MAST4: variants seen among roughly 807,000 people sequenced by gnomAD.
MAST4 encodes the protein microtubule-associated serine/threonine-protein kinase 4.
In MAST4, 89 loss-of-function variants were observed where a neutral mutation model predicts 162.7. That is an observed-to-expected ratio of 0.55 (90% confidence interval 0.46 to 0.65). The LOEUF (loss-of-function observed/expected upper bound fraction) is 0.65, where lower values mean the gene tolerates loss of function less well. Among genes scored for constraint, MAST4 ranks in the 30% least tolerant of loss-of-function variants. The pLI is 0.00. For synonymous variants in MAST4, 1,479 were observed against 1,361.1 expected, an observed-to-expected ratio of 1.09 and a Z score of -1.91; for missense variants, 3,153 against 3,374.0, an observed-to-expected ratio of 0.93 and a Z score of 1.62.
chr5:66,964,286 C>G (rs1212839481), intron 4 of MAST4, among the ~76,000 whole-genome samples: 3 of 152,166 alleles, frequency 2.0e-5, no homozygotes, highest in Non-Finnish European at 4.4e-5. Flanking sequence ...TATATTCACT[C>G]TTCTCTGTTT....
At position 66,777,618 on chromosome 5, in the gene MAST4, G is replaced by T. The variant is rs149489391; in HGVS notation, c.518-11052G>T. Among the ~76,000 whole-genome samples, 368 of 152,266 alleles carry T rather than the reference G, an allele frequency of 2.4e-3. 1 individual carries two copies. The highest frequency in any genetic ancestry group is 7.9e-3 in the African/African-American group (329 of 41,532). On this transcript the variant is annotated intron_variant, in intron 2 of 28. Transcript: ENST00000403625. ...TTAAGGGTCTTTCAAGGATCTGGAGGGGGCAGTGAACACATTTAGATGGAG... is the reference window on the plus strand; with the variant it reads ...TTAAGGGTCTTTCAAGGATCTGGAGTGGGCAGTGAACACATTTAGATGGAG...
At chr5:66,812,303 C>T (rs1452868012) in intron 3 of MAST4, among the ~76,000 whole-genome samples, 1 of 152,084 alleles carries the variant, frequency 6.6e-6, no homozygotes, top group Non-Finnish European at 1.5e-5. Context: ...TGAAAATGGC[C>T]TTAGATAGTT....
intron 4 of MAST4, among the ~76,000 whole-genome samples, chr5:66,958,524 A>G (rs1293441375): frequency 2.6e-5 from 4 of 152,230 alleles, no homozygotes; most frequent in South Asian, 2.1e-4. Flanking sequence ...ATAAAAATCC[A>G]AGTGCCTATC....
At chr5:66,738,380 A>G (rs1184941234) in intron 1 of MAST4, 1 of 152,340 alleles carries the variant, frequency 6.6e-6, no homozygotes, top group Non-Finnish European at 1.5e-5. Flanking sequence ...AACTGCAAGG[A>G]GCTAGAGAGC....
chr5:66,926,558 T>TA lies in MAST4; in HGVS notation c.674+26576_674+26577insA, dbSNP rs1561451910. On this transcript the variant is annotated intron_variant, in intron 4 of 28. Transcript: ENST00000403625. ...CAAGACTCCATATCTCTTTCTCTCT[T>TA]TCTCTCTCTATATATATACACACAC... Among the ~76,000 whole-genome samples, 715 of 108,878 alleles carry TA rather than the reference T, an allele frequency of 6.6e-3. 3 individuals carry two copies. Among genetic ancestry groups the TA allele is most frequent in the Middle Eastern group, 0.03 (6 of 202 alleles). 71.4% of individuals were successfully genotyped at this position (108,878 alleles called of 152,430 possible).
chr5:66,787,264 T>C (rs76209197), intron 2 of MAST4, among the ~76,000 whole-genome samples: 4,852 of 152,246 alleles, frequency 0.032, 234 homozygotes, highest in African/African-American at 0.11. Context: ...CCAGGAGAGA[T>C]TGACTAACTT....
chr5:66,849,832 T>C (rs890436596), intron 3 of MAST4, among the ~76,000 whole-genome samples: 1 of 152,232 alleles, frequency 6.6e-6, no homozygotes, highest in African/African-American at 2.4e-5. Flanking sequence ...ATCTATGTTA[T>C]GTATTATTTT....
At position 67,167,022 on chromosome 5, in the gene MAST4, C is replaced by T. The variant is rs748708691; in HGVS notation, c.7843C>T (p.Arg2615Cys). ...GCAGAGGCGGGGGAAAGAGAGTTTG[C>T]GTAGCAGCCCTCACAAAAAGGCCTT... ...VRQRRGKESL[R>C]SSPHKKAL The change falls in exon 29 of 29, where the codon CGT becomes TGT. Residue 2615 changes from arginine (R) to cysteine (C), a missense_variant. By Grantham distance (180) the Arg-to-Cys change is radical. Transcript: ENST00000403625. 1.3e-6 allele frequency: 2 copies of T among 1,596,858 alleles called. No homozygotes were observed. The highest frequency in any genetic ancestry group is 1.3e-5 in the African/African-American group (1 of 74,410).
chr5:67,160,970 T>C (rs534810631), intron 27 of MAST4, among the ~76,000 whole-genome samples: 47 of 152,246 alleles, frequency 3.1e-4, no homozygotes, highest in Non-Finnish European at 5.4e-4. Context: ...AAACAAACAG[T>C]TGCTATTTTT....
Position 66,690,072 on chromosome 5 carries a change from C to T in MAST4, c.364-69637C>T, listed in dbSNP as rs146443671. On this transcript the variant is annotated intron_variant, in intron 1 of 28. Transcript: ENST00000403625. ...TAAGTAATGATTAATCTGTGTGAGACGATGGAAAAGCTCTGGCTTAGGGAA... is the reference window on the plus strand; with the variant it reads ...TAAGTAATGATTAATCTGTGTGAGATGATGGAAAAGCTCTGGCTTAGGGAA... 3.1e-4 allele frequency among the ~76,000 whole-genome samples: 47 copies of T among 152,236 alleles called. No individual in the cohort carries two copies. The East Asian group carries it at 6.2e-3, about 20-fold the overall frequency.
chr5:67,163,354 C>G lies in MAST4; in HGVS notation c.4175C>G (p.Pro1392Arg). 1 of 1,612,680 alleles carries G rather than the reference C, an allele frequency of 6.2e-7. No individual in the cohort carries two copies. Among genetic ancestry groups the G allele is most frequent in the Non-Finnish European group, 8.5e-7 (1 of 1,179,850 alleles). The change falls in exon 29 of 29, where the codon CCG becomes CGG. Residue 1392 changes from proline to arginine, a missense_variant. By Grantham distance (103) the Pro-to-Arg change is moderately radical. Coordinates refer to ENST00000403625, the MANE Select transcript of MAST4 (RefSeq NM_001164664.2). The surrounding 1 kb of genome is among the most constrained non-coding windows in gnomAD (Gnocchi z 7.0). ...TCTCCAACCCCGCAACCCACCTCCCCGCAGCGGTCACCATCCCCTCTTCTG... is the reference window on the plus strand; with the variant it reads ...TCTCCAACCCCGCAACCCACCTCCCGGCAGCGGTCACCATCCCCTCTTCTG... The part of the protein sequence containing the change: ...TPSPTPQPTS[P>R]QRSPSPLLGH...
At chr5:66,807,437 A>C (rs1380113076) in intron 3 of MAST4, among the ~76,000 whole-genome samples, 1 of 151,736 alleles carries the variant, frequency 6.6e-6, no homozygotes. Context: ...CGGAGCTTGC[A>C]GTGAGCTGAG....
intron 3 of MAST4, among the ~76,000 whole-genome samples, chr5:66,858,318 A>T (rs909348929): frequency 1.3e-5 from 2 of 152,058 alleles, no homozygotes; most frequent in Non-Finnish European, 2.9e-5. Context: ...TTTTTCTAAA[A>T]TTTTAAAGTT....
At position 66,932,679 on chromosome 5, in the gene MAST4, C is replaced by T. The variant is rs75246435; in HGVS notation, c.674+32697C>T. Among the ~76,000 whole-genome samples, 31 of 152,200 alleles carry T rather than the reference C, an allele frequency of 2.0e-4. No individual in the cohort carries two copies. In the East Asian group the frequency reaches 5.0e-3, roughly 25 times the overall value. ...ATATTGGGGTTGGTAATTAGCTATG[C>T]GTGGGTCATGGGTTGATGATTAGTT... On this transcript the variant is annotated intron_variant, in intron 4 of 28. Transcript: ENST00000403625.
intron 1 of MAST4, among the ~76,000 whole-genome samples, chr5:66,751,510 G>C (rs1561305610): frequency 6.6e-6 from 1 of 152,168 alleles, no homozygotes; most frequent in Non-Finnish European, 1.5e-5. Context: ...GAAGCCTCAG[G>C]AGCCGATGTG....
At chr5:66,678,043 T>G (rs1265354665) in intron 1 of MAST4, among the ~76,000 whole-genome samples, 2 of 152,186 alleles carry the variant, frequency 1.3e-5, no homozygotes, top group South Asian at 2.1e-4. Context: ...TTGAAGAATC[T>G]AAAGCTGCAA....
chr5:67,088,246 A>G (rs1353849318), intron 5 of MAST4, among the ~76,000 whole-genome samples: 2 of 152,212 alleles, frequency 1.3e-5, no homozygotes, highest in Non-Finnish European at 2.9e-5. Flanking sequence ...TTTTCTTTAC[A>G]AAGAACACAG....
intron 5 of MAST4, among the ~76,000 whole-genome samples, chr5:67,088,009 TA>T (rs1253829688): frequency 2.0e-5 from 3 of 151,700 alleles, no homozygotes; most frequent in Non-Finnish European, 4.4e-5. Context: ...TTATTTTTAT[TA>T]TTTTTTTATT....
chr5:67,132,682 T>C (rs571762857), intron 16 of MAST4, among the ~76,000 whole-genome samples: 1 of 152,252 alleles, frequency 6.6e-6, no homozygotes, highest in East Asian at 1.9e-4. Flanking sequence ...TTATTAAATA[T>C]TTCATGCTTT....
Sources: allele counts gnomAD v4.1 joint callset (sites outside exome capture counted in the v4.1 genomes callset), GRCh38; gene constraint gnomAD v4.1.1; non-coding constraint Gnocchi (gnomAD v3.1); transcripts MANE v1.5; gene names NCBI Gene and HGNC (gene_info 2026-07-23, HGNC 2026-07-21).